TERF1: variants seen among roughly 807,000 people sequenced by gnomAD.
TERF1 encodes the protein telomeric repeat-binding factor 1.
TERF1 carries 20 observed loss-of-function variants against 55.1 expected under a neutral mutation model. The observed-to-expected ratio is 0.36, with a 90% CI of 0.26 to 0.53. The LOEUF is 0.53. TERF1 is among the 20% of genes least tolerant of loss of function. The pLI is 0.91. For synonymous variants in TERF1, 168 were observed against 181.2 expected (o/e 0.93, Z 0.59); for missense variants, 439 against 535.7 (o/e 0.82, Z 1.78).
chr8:73,045,920 T>A, intron 9 of TERF1, 41 bp from the exon 10 acceptor site: 2 of 1,421,528 alleles, frequency 1.4e-6, no homozygotes, highest in Non-Finnish European at 1.9e-6. Flanking sequence ...TCTTTTTGAA[T>A]AATTGTTTCT....
In TERF1 at chr8:73,013,997, AT is replaced by A. The variant is rs1436235543; in HGVS notation, c.415+8del. Reference sequence around the variant, plus strand: ...GCAGCAGGAAAAACCCTTGGTAAATATGTTTTTTTATTTTATATTGGAAATA... The same window carrying A: ...GCAGCAGGAAAAACCCTTGGTAAATAGTTTTTTTATTTTATATTGGAAATA... On this transcript the variant is annotated splice_region_variant and intron_variant, in intron 2 of 9. Coordinates refer to ENST00000276603, the MANE Select transcript of TERF1 (RefSeq NM_017489.3). 6.4e-7 allele frequency: 1 copy of A among 1,557,248 alleles called. No homozygotes were observed. The highest frequency in any genetic ancestry group is 1.1e-5 in the South Asian group (1 of 88,558).
chr8:73,022,697 A>G (rs1307868590), intron 4 of TERF1, among the ~76,000 whole-genome samples: 6 of 152,224 alleles, frequency 3.9e-5, no homozygotes, highest in Non-Finnish European at 7.3e-5. Context: ...CTATAATACC[A>G]GTACTTTAGG....
chr8:73,024,163 C>T (rs887833858), intron 4 of TERF1, among the ~76,000 whole-genome samples: 5 of 151,934 alleles, frequency 3.3e-5, no homozygotes, highest in Admixed American at 6.6e-5. Context: ...TGTTGAAGAG[C>T]GATACAATAA....
Position 73,009,013 on chromosome 8 carries a change from G to C in TERF1, c.127G>C (p.Glu43Gln). ...CGACGAGGAGCAGTTCGAATGCCAG[G>C]AACTGCTCGAGTGCCAGGTGCAGGT... The part of the protein sequence containing the change: ...RNDEEQFECQ[E>Q]LLECQVQVGA... The change falls in exon 1 of 10, where the codon GAA (glutamate) becomes CAA (glutamine). Residue 43 changes from glutamate to glutamine, a missense_variant. Physicochemically the swap from Glu to Gln is conservative, Grantham distance 29. This residue lies in a region of TERF1 where 179 missense variants were observed against 152.6 expected (regional missense o/e 1.17). Transcript: ENST00000276603. The C allele has an allele frequency of 6.2e-7, 1 of 1,611,854 alleles. No homozygotes were observed. The highest frequency in any genetic ancestry group is 1.3e-5 in the African/African-American group (1 of 75,010).
rs1037723507 is a variant in TERF1 at position 73,038,753 on chromosome 8, G to A, written c.1040-363G>A. On this transcript the variant is annotated intron_variant, in intron 8 of 9. Transcript: ENST00000276603. ...ACTGACTATGAATAAGAAAGAAGGA[G>A]TGAGGAAAGGATTATGCTTCTTAGT... The A allele has an allele frequency of 7.2e-6, 7 of 972,472 alleles. No individual in the cohort carries two copies. The African/African-American group carries it at 1.2e-4, about 17-fold the overall frequency. The allele number at this position is 972,472 out of a possible 1,614,324, so 60.2% of individuals were successfully genotyped here.
intron 9 of TERF1, among the ~76,000 whole-genome samples, chr8:73,040,496 A>G (rs1159455058): frequency 6.6e-6 from 1 of 152,194 alleles, no homozygotes. Flanking sequence ...GGGAAATGCT[A>G]ACCTTATGCT....
intron 9 of TERF1, among the ~76,000 whole-genome samples, chr8:73,044,589 A>T (rs1191570713): frequency 6.6e-6 from 1 of 152,192 alleles, no homozygotes. Flanking sequence ...ACTATTTTTA[A>T]GTGTACAGTT....
chr8:73,026,908 C>T, intron 5 of TERF1, 32 bp from the exon 6 acceptor site: 1 of 1,532,504 alleles, frequency 6.5e-7, no homozygotes, highest in Non-Finnish European at 9.0e-7. Flanking sequence ...GCATTTCTTC[C>T]TATCCTTCTA....
intron 8 of TERF1, among the ~76,000 whole-genome samples, chr8:73,037,107 TA>T (rs1297825717): frequency 1.5e-5 from 2 of 134,650 alleles, no homozygotes; most frequent in Non-Finnish European, 3.1e-5. Flanking sequence ...ATATATTATA[TA>T]AAACCCCATA....
At chr8:73,040,780 T>G (rs996257945) in intron 9 of TERF1, among the ~76,000 whole-genome samples, 1 of 152,190 alleles carries the variant, frequency 6.6e-6, no homozygotes, top group Non-Finnish European at 1.5e-5. Context: ...AGTTATTCCT[T>G]TATCTTTTTC....
At chr8:73,027,311 C>G (rs1377070829) in intron 6 of TERF1, among the ~76,000 whole-genome samples, 3 of 152,114 alleles carry the variant, frequency 2.0e-5, no homozygotes, top group African/African-American at 7.2e-5. Flanking sequence ...TGCTTAGGAA[C>G]AAGGGTGAGG....
At chr8:73,018,317 C>A (rs1044640415) in intron 2 of TERF1, among the ~76,000 whole-genome samples, 1 of 152,118 alleles carries the variant, frequency 6.6e-6, no homozygotes, top group Non-Finnish European at 1.5e-5. Context: ...ATATTTGAAA[C>A]TACGAATATT....
intron 3 of TERF1, among the ~76,000 whole-genome samples, chr8:73,021,790 T>C (rs1408999976): frequency 1.3e-5 from 2 of 152,192 alleles, no homozygotes; most frequent in Non-Finnish European, 2.9e-5. Context: ...TTCTTAGGTG[T>C]GTATTAGATA....
Position 73,024,894 on chromosome 8 carries a change from T to C in TERF1, c.697T>C (p.Tyr233His), listed in dbSNP as rs1808912777. The change falls in exon 5 of 10, where the codon TAC becomes CAC. Residue 233 changes from tyrosine to histidine, a missense_variant. Tyr to His is a moderately conservative substitution (Grantham distance 83). Coordinates refer to ENST00000276603, the MANE Select transcript of TERF1 (RefSeq NM_017489.3). ...TCATTCCTTTTTTCAACACTTCAGC[T>C]ACAACCACATGATGGAGAAAATTAA... ...TFHSFFQHFSYNHMMEKIKSY... is the reference protein window; with the variant it reads ...TFHSFFQHFSHNHMMEKIKSY... The C allele has an allele frequency of 6.3e-7, 1 of 1,585,688 alleles. No homozygotes were observed. Among genetic ancestry groups the C allele is most frequent in the African/African-American group, 1.3e-5 (1 of 74,456 alleles).
chr8:73,010,110 A>C (rs1170409088), intron 1 of TERF1: 1 of 152,230 alleles, frequency 6.6e-6, no homozygotes, highest in Non-Finnish European at 1.5e-5. Flanking sequence ...TACTTCATTC[A>C]TAGTTGGCGC....
intron 2 of TERF1, among the ~76,000 whole-genome samples, chr8:73,015,287 T>C (rs1346727882): frequency 6.6e-6 from 1 of 151,252 alleles, no homozygotes; most frequent in East Asian, 1.9e-4. Context: ...ATGTATTGGA[T>C]TTTTGGCTAT....
At chr8:73,037,709 T>A (rs1481082856) in intron 8 of TERF1, among the ~76,000 whole-genome samples, 3 of 84,856 alleles carry the variant, frequency 3.5e-5, no homozygotes, top group Non-Finnish European at 6.2e-5. Context: ...TAATATTATA[T>A]TATATATAAT....
At chr8:73,041,318 G>T (rs1013597825) in intron 9 of TERF1, among the ~76,000 whole-genome samples, 3 of 152,076 alleles carry the variant, frequency 2.0e-5, no homozygotes, top group Non-Finnish European at 4.4e-5. Context: ...TGTCTCTCTT[G>T]TTGTCTCTGG....
chr8:73,044,574 T>C (rs1402974583), intron 9 of TERF1, among the ~76,000 whole-genome samples: 1 of 152,160 alleles, frequency 6.6e-6, no homozygotes, highest in Non-Finnish European at 1.5e-5. Flanking sequence ...CCATTTGCCA[T>C]TTTAACTATT....
Sources: allele counts gnomAD v4.1 joint callset (sites outside exome capture counted in the v4.1 genomes callset), GRCh38; gene constraint gnomAD v4.1.1; regional missense constraint gnomAD v4.1.1; transcripts MANE v1.5; gene names NCBI Gene and HGNC (gene_info 2026-07-23, HGNC 2026-07-21).